TYW1B: variants seen among roughly 807,000 people sequenced by gnomAD.
The protein encoded by TYW1B is tRNA-yW synthesizing protein 1 homolog B.
Under a neutral mutation model 86.9 loss-of-function variants are expected in TYW1B, and 73 were observed. The observed-to-expected ratio is 0.84, with a 90% CI of 0.70 to 1.02. The LOEUF (loss-of-function observed/expected upper bound fraction) is 1.02. TYW1B is among the 50% of genes least tolerant of loss of function. The probability of loss-of-function intolerance (pLI) is 0.00; values close to 1 mark genes in which losing one functional copy is unlikely to be tolerated. For synonymous variants in TYW1B, 248 were observed against 292.8 expected, an observed-to-expected ratio of 0.85 and a Z score of 1.56; for missense variants, 637 against 827.4, an observed-to-expected ratio of 0.77 and a Z score of 2.82.
intron 11 of TYW1B, among the ~76,000 whole-genome samples, chr7:72,681,947 G>A (rs559560086): frequency 6.7e-6 from 1 of 149,126 alleles, no homozygotes; most frequent in Non-Finnish European, 1.5e-5. Flanking sequence ...ACGCAATCTC[G>A]GCTCACTGCA....
chr7:72,680,303 G>A (rs1813837868), intron 11 of TYW1B, among the ~76,000 whole-genome samples: 1 of 152,240 alleles, frequency 6.6e-6, no homozygotes, highest in East Asian at 1.9e-4. Flanking sequence ...AGTCTGGGTG[G>A]GCACCATCTA....
At chr7:72,603,812 A>G (rs1166773371) in intron 13 of TYW1B, among the ~76,000 whole-genome samples, 5 of 152,164 alleles carry the variant, frequency 3.3e-5, no homozygotes, top group Non-Finnish European at 5.9e-5. Context: ...ACAAATTTCA[A>G]TAATAGGGCA....
chr7:72,582,696 G>C (rs751638182), intron 13 of TYW1B, among the ~76,000 whole-genome samples: 1 of 152,112 alleles, frequency 6.6e-6, no homozygotes, highest in Non-Finnish European at 1.5e-5. Flanking sequence ...GTCCAAGGTA[G>C]GTGGGTAAGT....
In TYW1B at chr7:72,713,512, T is replaced by C. The variant is rs1341392213; in HGVS notation, c.1370+109A>G. The C allele has an allele frequency of 5.4e-6, 6 of 1,120,366 alleles. No homozygotes were observed. The African/African-American group carries it at 9.5e-5, about 18-fold the overall frequency. The allele number at this position is 1,120,366 out of a possible 1,614,324, so 69.4% of individuals were successfully genotyped here. On this transcript the variant is annotated intron_variant, in intron 10 of 13. Transcript: ENST00000620995. ...CACCTCCCAAAGCCCAACATTTGTA[T>C]GTAGTAAGTAATCAATAAATCCTAT... is the stretch of plus-strand genomic sequence containing the variant.
intron 7 of TYW1B, among the ~76,000 whole-genome samples, chr7:72,773,642 A>G (rs1486222462): frequency 6.6e-6 from 1 of 152,224 alleles, no homozygotes; most frequent in Non-Finnish European, 1.5e-5. Context: ...TCTCTCAAGT[A>G]TTTGCCCAAG....
chr7:72,592,426 T>C (rs1811419118), intron 13 of TYW1B, among the ~76,000 whole-genome samples: 1 of 152,186 alleles, frequency 6.6e-6, no homozygotes, highest in Non-Finnish European at 1.5e-5. Context: ...GAAAAGGTAA[T>C]TTAAATGTTT....
chr7:72,680,924 T>C (rs1813859159), intron 11 of TYW1B, among the ~76,000 whole-genome samples: 1 of 152,222 alleles, frequency 6.6e-6, no homozygotes, highest in African/African-American at 2.4e-5. Context: ...TATCTTTTCA[T>C]ATGTATAAAA....
At chr7:72,682,813 G>C (rs1174116071) in intron 11 of TYW1B, among the ~76,000 whole-genome samples, 1 of 152,116 alleles carries the variant, frequency 6.6e-6, no homozygotes, top group Non-Finnish European at 1.5e-5. Flanking sequence ...CGCCAACACA[G>C]GGAAACTGAA....
At chr7:72,659,441 G>T (rs1813279862) in intron 11 of TYW1B, among the ~76,000 whole-genome samples, 1 of 152,176 alleles carries the variant, frequency 6.6e-6, no homozygotes, top group Admixed American at 6.5e-5. Context: ...AGCCAGGCGT[G>T]GTGGCCCACA....
chr7:72,607,366 T>C (rs1811823902), intron 13 of TYW1B, among the ~76,000 whole-genome samples: 1 of 135,350 alleles, frequency 7.4e-6, no homozygotes, highest in Admixed American at 8.7e-5. Context: ...GATTCCAGCC[T>C]GGATGACAGA....
intron 13 of TYW1B, among the ~76,000 whole-genome samples, chr7:72,597,495 A>T (rs1444038924): frequency 4.6e-5 from 7 of 152,160 alleles, no homozygotes; most frequent in Non-Finnish European, 7.3e-5. Flanking sequence ...AATAGCAAAC[A>T]AGAGAAATAA....
intron 11 of TYW1B, among the ~76,000 whole-genome samples, chr7:72,680,629 C>T (rs552238658): frequency 1.3e-5 from 2 of 152,154 alleles, no homozygotes; most frequent in African/African-American, 4.8e-5. Flanking sequence ...TAGTGCGAGT[C>T]AATTCTCCAA....
At chr7:72,724,410 T>G (rs1786961478) in intron 9 of TYW1B, among the ~76,000 whole-genome samples, 1 of 152,010 alleles carries the variant, frequency 6.6e-6, no homozygotes, top group Non-Finnish European at 1.5e-5. Flanking sequence ...GAGGCAGAGG[T>G]TGCAGTGAGC....
chr7:72,775,136 A>C, intron 7 of TYW1B, among the ~76,000 whole-genome samples: 1 of 152,134 alleles, frequency 6.6e-6, no homozygotes, highest in Non-Finnish European at 1.5e-5. Flanking sequence ...AGAAGAAAGA[A>C]CTTTTTTTAA....
intron 11 of TYW1B, among the ~76,000 whole-genome samples, chr7:72,681,375 G>T (rs35262274): frequency 1.3e-5 from 2 of 152,090 alleles, no homozygotes; most frequent in African/African-American, 4.8e-5. Flanking sequence ...GAGCAAGGAC[G>T]ATTAAATAAG....
intron 2 of TYW1B, among the ~76,000 whole-genome samples, chr7:72,821,671 C>T (rs1198449428): frequency 3.9e-5 from 6 of 152,118 alleles, no homozygotes; most frequent in African/African-American, 1.4e-4. Flanking sequence ...TGATTGGAAA[C>T]TGAATCTATT....
intron 12 of TYW1B, among the ~76,000 whole-genome samples, chr7:72,627,896 G>A (rs1812387280): frequency 1.3e-5 from 2 of 152,124 alleles, no homozygotes; most frequent in Admixed American, 1.3e-4. Context: ...CTACAGCAAA[G>A]TGATTTCTAA....
chr7:72,807,374 A>G lies in TYW1B; in HGVS notation c.433-18T>C. 6.2e-7 allele frequency: 1 copy of G among 1,608,216 alleles called. No individual in the cohort carries two copies. ...TTGCCAACCTGCGAGGAAAAGATAG[A>G]TAGGCTAAAAGCACGGTTCTCTAAA... On this transcript the variant is annotated intron_variant, in intron 4 of 13. Coordinates refer to ENST00000620995, the MANE Select transcript of TYW1B (RefSeq NM_001145440.3).
rs1297401626 is a variant in TYW1B, at chr7:72,663,596, A to AAT, written c.1506+31089_1506+31090dup. On this transcript the variant is annotated intron_variant, in intron 11 of 13. Coordinates refer to ENST00000620995, the MANE Select transcript of TYW1B (RefSeq NM_001145440.3). ...ACACAGTGAAACCCCGTCTTTACTAAATATATATATATAAAAAATTAGCCG... is the reference window on the plus strand; with the variant it reads ...ACACAGTGAAACCCCGTCTTTACTAAATATATATATATATAAAAAATTAGCCG... Among the ~76,000 whole-genome samples, 69 of 151,180 alleles carry AAT rather than the reference A, an allele frequency of 4.6e-4. No homozygotes were observed. In the South Asian group the frequency reaches 5.0e-3, roughly 11 times the overall value.
Sources: allele counts gnomAD v4.1 joint callset (sites outside exome capture counted in the v4.1 genomes callset), GRCh38; gene constraint gnomAD v4.1.1; transcripts MANE v1.5; gene names NCBI Gene and HGNC (gene_info 2026-07-23, HGNC 2026-07-21).